PPP2R5B: variants seen among roughly 807,000 people sequenced by gnomAD.
The protein encoded by PPP2R5B is protein phosphatase 2 regulatory subunit B'beta.
In PPP2R5B, 19 loss-of-function variants were observed where a neutral mutation model predicts 59.9. That is an observed-to-expected ratio of 0.32 (90% CI 0.22 to 0.47). The LOEUF is 0.47. Among genes scored for constraint, PPP2R5B ranks in the 20% least tolerant of loss-of-function variants. The pLI, the probability that PPP2R5B is intolerant of heterozygous loss-of-function variation, is 1.00. For synonymous variants in PPP2R5B, 286 were observed against 260.5 expected (o/e 1.10, Z -0.94); for missense variants, 441 against 640.2 (o/e 0.69, Z 3.36).
intron 11 of PPP2R5B, 99 bp from the exon 12 acceptor site, chr11:64,932,666 G>T: frequency 6.8e-7 from 1 of 1,478,194 alleles, no homozygotes; most frequent in South Asian, 1.3e-5. Context: ...GTGTGTGAAG[G>T]TCAGGGGGCC....
At chr11:64,930,194 C>T (rs1945213239) in intron 6 of PPP2R5B, 128 bp from the exon 7 acceptor site, 14 of 1,033,160 alleles carry the variant, frequency 1.4e-5, no homozygotes, top group Admixed American at 1.1e-4. Context: ...GGGAAGGGAG[C>T]GCAGCCTCTG....
intron 1 of PPP2R5B, among the ~76,000 whole-genome samples, chr11:64,918,590 C>G (rs1945071263): frequency 6.6e-6 from 1 of 152,130 alleles, no homozygotes; most frequent in Non-Finnish European, 1.5e-5. Context: ...CTTGGCCTCC[C>G]AAAGTGTTGG....
chr11:64,933,825 C>T lies in PPP2R5B; in HGVS notation c.1475C>T (p.Ala492Val). 1 of 1,548,032 alleles carries T rather than the reference C, an allele frequency of 6.5e-7. No individual in the cohort carries two copies. Among genetic ancestry groups the T allele is most frequent in the African/African-American group, 1.4e-5 (1 of 72,800 alleles). Residue 492 changes from alanine to valine, a missense_variant, in exon 14 of 14, where the codon GCC becomes GTC. Ala to Val is a moderately conservative substitution (Grantham distance 64, BLOSUM62 0). This residue lies in a region of PPP2R5B where 70 missense variants were observed against 64.2 expected (regional missense o/e 1.09). Transcript: ENST00000164133. ...PLQRLTPQVAASGGQS is the reference protein window; with the variant it reads ...PLQRLTPQVAVSGGQS ...CAGCGGCTTACACCCCAGGTGGCCG[C>T]CAGTGGGGGTCAGAGCTAGACAGCA... is the stretch of plus-strand genomic sequence containing the variant.
At chr11:64,933,312 GGAGGGAACCC>G in intron 13 of PPP2R5B, 66 bp downstream of exon 13, 1 of 1,401,596 alleles carries the variant, frequency 7.1e-7, no homozygotes, top group South Asian at 1.2e-5. Flanking sequence ...CCCCATGGCT[GGAGGGAACCC>G]GAGGACTACC....
At position 64,925,617 on chromosome 11, in the gene PPP2R5B, C is replaced by CCA. The variant is rs977878803; in HGVS notation, c.-117_-116insAC. 7.2e-5 allele frequency: 40 copies of CCA among 551,740 alleles called. 2 individuals are homozygous for CCA. The highest frequency in any genetic ancestry group is 1.4e-4 in the African/African-American group (7 of 51,448). 34.2% of individuals were successfully genotyped at this position (551,740 alleles called of 1,614,324 possible). On this transcript the variant is annotated 5_prime_UTR_variant, in exon 2 of 14. Coordinates refer to ENST00000164133, the MANE Select transcript of PPP2R5B (RefSeq NM_006244.4). The surrounding 1 kb of genome is among the most constrained non-coding windows in gnomAD (Gnocchi z 4.6). The stretch of plus-strand genomic sequence containing the variant: ...GGGGGCCCAGGACTGTGGTTGTGCC[C>CCA]CCCCCCCAAAGGCCGGACAGGATGG...
chr11:64,933,349 C>A, intron 13 of PPP2R5B, 103 bp downstream of exon 13: 3 of 987,146 alleles, frequency 3.0e-6, no homozygotes, highest in South Asian at 2.8e-5. Context: ...TCTGTCTGAT[C>A]AGATGCTGCA....
chr11:64,920,314 G>A (rs1181738293), upstream of PPP2R5B, among the ~76,000 whole-genome samples: 2 of 152,178 alleles, frequency 1.3e-5, no homozygotes, highest in Non-Finnish European at 2.9e-5. Flanking sequence ...AACTGAACTG[G>A]TGGGCACATC....
rs894090957 is a variant in PPP2R5B at position 64,925,996 on chromosome 11, A to G, written c.199+63A>G. 2.0e-4 allele frequency: 294 copies of G among 1,502,958 alleles called. 2 individuals are homozygous for G. In the African/African-American group the frequency reaches 3.7e-3, roughly 19 times the overall value. 93.1% of individuals were successfully genotyped at this position (1,502,958 alleles called of 1,614,324 possible). On this transcript the variant is annotated intron_variant, in intron 2 of 13. Transcript: ENST00000164133. This position sits in a 1 kb window ranked among gnomAD's most constrained non-coding sequence, Gnocchi z 4.6. Reference sequence around the variant, plus strand: ...CGAGGGGACCAGCAGGGCCATGGGGAGGGGTGGGAGGCAGCGGGCAGCTGC... The same window carrying G: ...CGAGGGGACCAGCAGGGCCATGGGGGGGGGTGGGAGGCAGCGGGCAGCTGC...
intron 12 of PPP2R5B, 79 bp from the exon 13 acceptor site, chr11:64,933,066 G>C: frequency 6.7e-7 from 1 of 1,494,490 alleles, no homozygotes; most frequent in Non-Finnish European, 9.3e-7. Flanking sequence ...GTGGAATGCT[G>C]TATGTGAAGG....
At chr11:64,918,082 T>C (rs757833411) in intron 1 of PPP2R5B, among the ~76,000 whole-genome samples, 6 of 152,252 alleles carry the variant, frequency 3.9e-5, no homozygotes, top group Non-Finnish European at 8.8e-5. Flanking sequence ...AATGAACTTT[T>C]CATGGCATGT....
At chr11:64,930,151 C>T (rs1456226271) in intron 6 of PPP2R5B, among the ~76,000 whole-genome samples, 171 bp from the exon 7 acceptor site, 1 of 149,230 alleles carries the variant, frequency 6.7e-6, no homozygotes, top group African/African-American at 2.5e-5. Context: ...TGTGGGGGGG[C>T]GGGGATCTCA....
chr11:64,930,211 G>A lies in PPP2R5B; in HGVS notation c.723-111G>A. On this transcript the variant is annotated intron_variant, in intron 6 of 13. Coordinates refer to ENST00000164133, the MANE Select transcript of PPP2R5B (RefSeq NM_006244.4). ...GAAGGGAGCGCAGCCTCTGGGTTGG[G>A]GGAGAGTTGGATGAGCGTGCCGTGC... 2.5e-6 allele frequency: 3 copies of A among 1,221,644 alleles called. No individual in the cohort carries two copies. The Admixed American group carries it at 5.1e-5, about 21-fold the overall frequency. 75.7% of individuals were successfully genotyped at this position (1,221,644 alleles called of 1,614,324 possible).
rs768755931 is a variant in PPP2R5B at position 64,930,315 on chromosome 11, C to T, written c.723-7C>T. 2 of 1,613,860 alleles carry T rather than the reference C, an allele frequency of 1.2e-6. No homozygotes were observed. Among genetic ancestry groups the T allele is most frequent in the Admixed American group, 3.3e-5 (2 of 59,996 alleles). On this transcript the variant is annotated splice_polypyrimidine_tract_variant and splice_region_variant and intron_variant, in intron 6 of 13. Coordinates refer to ENST00000164133, the MANE Select transcript of PPP2R5B (RefSeq NM_006244.4). ...GCTTTGAGCCCACCTGCGTTCTTCT[C>T]TTGCAGGTTCATCTATGAATTCGAG...
chr11:64,931,949 C>A lies in PPP2R5B; in HGVS notation c.1116+81C>A. On this transcript the variant is annotated intron_variant, in intron 11 of 13. Transcript: ENST00000164133. The surrounding 1 kb of genome is among the most constrained non-coding windows in gnomAD (Gnocchi z 5.0). Reference sequence around the variant, plus strand: ...GCTGACCTAATAAAGCTCCCTTTGCCCTCAGTTTCTCCTCCAATCCCGGGT... The same window carrying A: ...GCTGACCTAATAAAGCTCCCTTTGCACTCAGTTTCTCCTCCAATCCCGGGT... The A allele has an allele frequency of 6.4e-7, 1 of 1,550,578 alleles. No individual in the cohort carries two copies.
In PPP2R5B at chr11:64,925,843, C is replaced by T. The variant is rs753530198; in HGVS notation, c.109C>T (p.Arg37Cys). 1.4e-5 allele frequency: 22 copies of T among 1,610,946 alleles called. No individual in the cohort carries two copies. Among genetic ancestry groups the T allele is most frequent in the Middle Eastern group, 3.9e-4 (2 of 5,084 alleles). ...KVDGFSRRSL[R>C]RARPRRSHSS... is the part of the protein sequence containing the mutation. Reference sequence around the variant, plus strand: ...GGACGGCTTCTCCCGCCGTTCCCTCCGCAGAGCCCGGCCCCGCCGCTCCCA... The same window carrying T: ...GGACGGCTTCTCCCGCCGTTCCCTCTGCAGAGCCCGGCCCCGCCGCTCCCA... Residue 37 changes from arginine (R) to cysteine (C), a missense_variant, in exon 2 of 14, where the codon CGC (arginine) becomes TGC (cysteine). Arg to Cys is a radical substitution (Grantham distance 180). Around this residue, in one of 3 missense-constraint regions of PPP2R5B, gnomAD observed 103 missense variants for 87.9 expected, o/e 1.17. Coordinates refer to ENST00000164133, the MANE Select transcript of PPP2R5B (RefSeq NM_006244.4). This position sits in a 1 kb window ranked among gnomAD's most constrained non-coding sequence, Gnocchi z 4.6.
chr11:64,923,648 A>G (rs943941735), upstream of PPP2R5B, among the ~76,000 whole-genome samples: 1 of 152,078 alleles, frequency 6.6e-6, no homozygotes, highest in African/African-American at 2.4e-5. Context: ...CCGCTGGAGC[A>G]CTGAGTGGTC....
intron 13 of PPP2R5B, 140 bp from the exon 14 acceptor site, chr11:64,933,557 G>A: frequency 2.7e-6 from 3 of 1,121,792 alleles, no homozygotes; most frequent in South Asian, 1.7e-5. Context: ...TCAGTAGAGG[G>A]TTTTTATGGA....
intron 3 of PPP2R5B, among the ~76,000 whole-genome samples, chr11:64,927,498 G>A (rs941617240): frequency 2.0e-5 from 3 of 152,160 alleles, no homozygotes; most frequent in Non-Finnish European, 4.4e-5. Flanking sequence ...ATCACTTGAG[G>A]CAAGGGGTTC....
chr11:64,928,820 C>T (rs1590678279), intron 6 of PPP2R5B, among the ~76,000 whole-genome samples: 1 of 152,136 alleles, frequency 6.6e-6, no homozygotes, highest in African/African-American at 2.4e-5. Flanking sequence ...GGAAGCGGAG[C>T]TTGCAGTGAG....
Sources: gnomAD v4.1 joint callset for allele counts (sites outside exome capture counted in the v4.1 genomes callset) on GRCh38, gnomAD v4.1.1 for gene constraint, gnomAD v4.1.1 regional missense constraint, Gnocchi (gnomAD v3.1) non-coding constraint, MANE v1.5 for transcripts, NCBI Gene and HGNC (gene_info 2026-07-23, HGNC 2026-07-21) for gene names.